Variants in XRN1 observed in about 807,000 individuals in gnomAD.
XRN1 encodes the protein strand-exchange protein 1 homolog.
A neutral mutation model predicts 222.3 loss-of-function variants in XRN1; 67 were observed. That is an observed-to-expected ratio of 0.30 (90% CI 0.25 to 0.37). XRN1 has a LOEUF of 0.37. Ranked by LOEUF, XRN1 falls within the 10% of genes least tolerant of loss-of-function variation. The pLI, the probability that XRN1 is intolerant of heterozygous loss-of-function variation, is 1.00. For synonymous variants in XRN1, 643 were observed against 652.4 expected, an observed-to-expected ratio of 0.99 and a Z score of 0.22; for missense variants, 1,707 against 2,000.2, an observed-to-expected ratio of 0.85 and a Z score of 2.80.
intron 37 of XRN1, among the ~76,000 whole-genome samples, chr3:142,328,361 T>C (rs1483457714): frequency 1.3e-5 from 2 of 152,250 alleles, no homozygotes; most frequent in South Asian, 2.1e-4. Context: ...TTCAGGAAAA[T>C]TTAAAATTTT....
Position 142,312,599 on chromosome 3 carries a change from T to G in XRN1, c.4781A>C (p.Gln1594Pro). 1.3e-6 allele frequency: 2 copies of G among 1,562,764 alleles called. No homozygotes were observed. The highest frequency in any genetic ancestry group is 1.7e-6 in the Non-Finnish European group (2 of 1,153,754). The change falls in exon 40 of 41, where the codon CAG (glutamine) becomes CCG (proline). Residue 1594 changes from glutamine (Q) to proline (P), a missense_variant and splice_region_variant. Physicochemically the swap from Gln to Pro is moderately conservative, Grantham distance 76 (BLOSUM62 -1). Around this residue, in one of 2 missense-constraint regions of XRN1, gnomAD observed 473 missense variants for 482.0 expected, o/e 0.98. Transcript: ENST00000392981. ...GGVHNQFIPLQVTKKRVANKK... is the reference protein window; with the variant it reads ...GGVHNQFIPLPVTKKRVANKK... ...TCTTAAAAATATTATTTTTCTTACCTGCAGAGGTATAAACTGATTGTGCAC... is the reference window on the plus strand; with the variant it reads ...TCTTAAAAATATTATTTTTCTTACCGGCAGAGGTATAAACTGATTGTGCAC...
At chr3:142,327,993 G>C (rs1232545511) in intron 37 of XRN1, among the ~76,000 whole-genome samples, 1 of 152,040 alleles carries the variant, frequency 6.6e-6, no homozygotes, top group African/African-American at 2.4e-5. Flanking sequence ...CAAAAGACAT[G>C]GTTTCATTCT....
chr3:142,422,968 GGTCC>G, intron 6 of XRN1, 46 bp from the exon 7 acceptor site: 1 of 1,451,682 alleles, frequency 6.9e-7, no homozygotes, highest in Non-Finnish European at 9.5e-7. Context: ...TTATTTTTAA[GGTCC>G]CAGCTTAAAA....
intron 37 of XRN1, 84 bp downstream of exon 37, chr3:142,329,350 T>A (rs2065624208): frequency 9.6e-7 from 1 of 1,039,802 alleles, no homozygotes; most frequent in East Asian, 3.3e-5. Flanking sequence ...CCCCATTTTA[T>A]TTTTTCTAGC....
intron 20 of XRN1, among the ~76,000 whole-genome samples, chr3:142,387,050 C>T (rs2067530855): frequency 6.6e-6 from 1 of 151,874 alleles, no homozygotes; most frequent in South Asian, 2.1e-4. Context: ...CACCAAGAGC[C>T]CCAAATGAGA....
chr3:142,367,544 CT>C (rs746614099), intron 27 of XRN1, among the ~76,000 whole-genome samples: 3 of 148,742 alleles, frequency 2.0e-5, no homozygotes, highest in African/African-American at 4.9e-5. Context: ...AAAACTGACT[CT>C]TTTTTTTTTA....
chr3:142,312,003 T>C (rs2065089524), intron 40 of XRN1, among the ~76,000 whole-genome samples, 190 bp from the exon 41 acceptor site: 2 of 152,144 alleles, frequency 1.3e-5, no homozygotes, highest in South Asian at 2.1e-4. Context: ...TTAAAATTCT[T>C]GGGCTGTGTG....
At position 142,384,284 on chromosome 3, in the gene XRN1, AG is replaced by A. The variant is rs1433174594; in HGVS notation, c.2502+238del. Among the ~76,000 whole-genome samples, 57 of 150,876 alleles carry A rather than the reference AG, an allele frequency of 3.8e-4. 1 individual carries two copies. Among genetic ancestry groups the A allele is most frequent in the African/African-American group, 1.1e-3 (46 of 40,854 alleles). On this transcript the variant is annotated intron_variant, in intron 21 of 40. Coordinates refer to ENST00000392981, the MANE Select transcript of XRN1 (RefSeq NM_001282857.2). ...GAGACTCTGTCTCAAAAAAAAAAAA[AG>A]AAAAAAAAAAAAGCATACGAAAGCA...
intron 33 of XRN1, among the ~76,000 whole-genome samples, chr3:142,335,935 C>G (rs1250229789): frequency 6.6e-6 from 1 of 152,086 alleles, no homozygotes; most frequent in African/African-American, 2.4e-5. Flanking sequence ...AATGGGCAGC[C>G]AGTAACAGAA....
At position 142,384,699 on chromosome 3, in the gene XRN1, T is replaced by C. The variant is rs890219745; in HGVS notation, c.2340-14A>G. ...CTTCTCAGGTAGCTAAAATAAAGAATAAACATGAAATATACATATGAATGA... is the reference window on the plus strand; with the variant it reads ...CTTCTCAGGTAGCTAAAATAAAGAACAAACATGAAATATACATATGAATGA... On this transcript the variant is annotated splice_polypyrimidine_tract_variant and intron_variant, in intron 20 of 40. Coordinates refer to ENST00000392981, the MANE Select transcript of XRN1 (RefSeq NM_001282857.2). 3 of 1,566,202 alleles carry C rather than the reference T, an allele frequency of 1.9e-6. No homozygotes were observed. The highest frequency in any genetic ancestry group is 2.6e-6 in the Non-Finnish European group (3 of 1,153,820).
intron 37 of XRN1, among the ~76,000 whole-genome samples, chr3:142,325,683 C>G (rs1006858787): frequency 6.6e-6 from 1 of 151,860 alleles, no homozygotes; most frequent in East Asian, 1.9e-4. Context: ...GATGTGATAC[C>G]GTTTATGCAT....
Position 142,356,880 on chromosome 3 carries a change from G to A in XRN1, c.3672+32C>T, listed in dbSNP as rs770175455. On this transcript the variant is annotated intron_variant, in intron 31 of 40. Coordinates refer to ENST00000392981, the MANE Select transcript of XRN1 (RefSeq NM_001282857.2). Reference sequence around the variant, plus strand: ...CTGTGATTTGTGATTTGTAAAAGGGGTAGAGGAGAAGTTAAAGACTGAGAG... The same window carrying A: ...CTGTGATTTGTGATTTGTAAAAGGGATAGAGGAGAAGTTAAAGACTGAGAG... 10 of 1,586,462 alleles carry A rather than the reference G, an allele frequency of 6.3e-6. No homozygotes were observed. The African/African-American group carries it at 1.2e-4, about 19-fold the overall frequency.
intron 13 of XRN1, 117 bp from the exon 14 acceptor site, chr3:142,414,408 C>T (rs2068706564): frequency 1.3e-6 from 1 of 773,520 alleles, no homozygotes; most frequent in South Asian, 4.4e-5. Context: ...AAAATTAGTA[C>T]TGCCCATAAT....
At chr3:142,446,465 A>G (rs1486743100) in intron 1 of XRN1, among the ~76,000 whole-genome samples, 1 of 152,230 alleles carries the variant, frequency 6.6e-6, no homozygotes, top group East Asian at 1.9e-4. Context: ...TGCATTAAAG[A>G]GATTTTCATT....
At chr3:142,327,613 T>C (rs2065556803) in intron 37 of XRN1, among the ~76,000 whole-genome samples, 1 of 152,110 alleles carries the variant, frequency 6.6e-6, no homozygotes, top group Non-Finnish European at 1.5e-5. Flanking sequence ...CCAATCTTTA[T>C]CATTTCTTTT....
At chr3:142,439,338 G>T (rs1274624462) in intron 1 of XRN1, among the ~76,000 whole-genome samples, 1 of 152,180 alleles carries the variant, frequency 6.6e-6, no homozygotes, top group Non-Finnish European at 1.5e-5. Flanking sequence ...TTCCCCACAG[G>T]CCAGCAGGCA....
In XRN1 at chr3:142,332,500, A is replaced by G. The variant is rs2065728333; in HGVS notation, c.4097T>C (p.Ile1366Thr). 6.2e-7 allele frequency: 1 copy of G among 1,611,016 alleles called. No individual in the cohort carries two copies. The highest frequency in any genetic ancestry group is 8.5e-7 in the Non-Finnish European group (1 of 1,178,910). The change falls in exon 36 of 41, where the codon ATT becomes ACT. Residue 1366 changes from isoleucine to threonine, a missense_variant. Coordinates refer to ENST00000392981, the MANE Select transcript of XRN1 (RefSeq NM_001282857.2). ...ATGGTCCACAGTGTTAGAGCCATCA[A>G]TTTTTAGAATTTCTTTAAGCATCCG... ...GTRMLKEILK[I>T]DGSNTVDHKN...
intron 2 of XRN1, among the ~76,000 whole-genome samples, chr3:142,432,233 A>ATATTAAT (rs2069656285): frequency 1.9e-5 from 2 of 105,638 alleles, no homozygotes; most frequent in African/African-American, 6.7e-5. Flanking sequence ...AATTAATTAT[A>ATATTAAT]TATATATAAA....
chr3:142,442,385 G>T (rs1179692690), intron 1 of XRN1, among the ~76,000 whole-genome samples: 2 of 152,186 alleles, frequency 1.3e-5, no homozygotes, highest in Non-Finnish European at 2.9e-5. Flanking sequence ...CATTAGAAAT[G>T]CTTATAGAAG....
Sources: gnomAD v4.1 joint callset for allele counts (sites outside exome capture counted in the v4.1 genomes callset) on GRCh38, gnomAD v4.1.1 for gene constraint, gnomAD v4.1.1 regional missense constraint, MANE v1.5 for transcripts, NCBI Gene and HGNC (gene_info 2026-07-23, HGNC 2026-07-21) for gene names.